TTC5: variants seen among roughly 807,000 people sequenced by gnomAD.
TTC5 encodes the protein tetratricopeptide repeat domain 5.
A neutral mutation model predicts 57.4 loss-of-function variants in TTC5; 46 were observed. The ratio of observed to expected loss-of-function variants is 0.80; its 90% CI spans 0.63 to 1.03. TTC5 has a LOEUF of 1.03. TTC5 is among the 50% of genes least tolerant of loss of function. TTC5 has a pLI of 0.00. For synonymous variants in TTC5, 190 were observed against 203.5 expected (o/e 0.93, Z 0.57); for missense variants, 504 against 528.1 (o/e 0.95, Z 0.45).
chr14:20,301,809 T>C (rs901263170), intron 2 of TTC5, 24 bp downstream of exon 2: 8 of 1,612,610 alleles, frequency 5.0e-6, no homozygotes, highest in African/African-American at 1.3e-5. Flanking sequence ...AGGATGGGGG[T>C]TGTACAATCT....
intron 6 of TTC5, 148 bp downstream of exon 6, chr14:20,296,242 C>T (rs1168090264): frequency 2.8e-6 from 2 of 725,204 alleles, no homozygotes; most frequent in African/African-American, 3.5e-5. Flanking sequence ...GAAGCCAAAC[C>T]GAGCTAGCTA....
intron 1 of TTC5, among the ~76,000 whole-genome samples, chr14:20,302,258 C>T (rs1882208809): frequency 6.6e-6 from 1 of 152,182 alleles, no homozygotes; most frequent in African/African-American, 2.4e-5. Flanking sequence ...AAGCACTTCA[C>T]ATACCACAGT....
rs373545724 is a variant in TTC5 at position 20,296,420 on chromosome 14, G to A, written c.666C>T (p.Ser222=). ...CCCTGTTCAGATGAAGGTCAGGATT[G>A]CTAGAAGCTTTTCTGTCAACTTTCT... ...QAEKVDRKAS[S]NPDLHLNRAT... Residue 222 remains serine, a synonymous_variant, in exon 6 of 10, where the codon AGC becomes AGT. Coordinates refer to ENST00000258821, the MANE Select transcript of TTC5 (RefSeq NM_138376.3). The A allele has an allele frequency of 2.5e-6, 4 of 1,613,054 alleles. No homozygotes were observed. The African/African-American group carries it at 4.0e-5, about 16-fold the overall frequency.
rs951578429 is a variant in TTC5 at position 20,288,231 on chromosome 14, A to T, written c.*1396T>A. 1.3e-5 allele frequency: 2 copies of T among 152,236 alleles called. No homozygotes were observed. Among genetic ancestry groups the T allele is most frequent in the African/African-American group, 4.8e-5 (2 of 41,464 alleles). 9.4% of individuals were successfully genotyped at this position (152,236 alleles called of 1,614,324 possible). A position where few individuals can be genotyped will look rare whatever the true frequency, so the allele number is the denominator to read the frequency against. On this transcript the variant is annotated 3_prime_UTR_variant, in exon 10 of 10. Coordinates refer to ENST00000258821, the MANE Select transcript of TTC5 (RefSeq NM_138376.3). ...CAGATAGATAGATAAAACTTCTCTC[A>T]TCAATGCATTTCTACCATCCATTCT...
At chr14:20,302,518 T>C (rs1264279621) in intron 1 of TTC5, among the ~76,000 whole-genome samples, 1 of 152,200 alleles carries the variant, frequency 6.6e-6, no homozygotes, top group Non-Finnish European at 1.5e-5. Flanking sequence ...CTTGGTAACT[T>C]TGGTATCTTT....
chr14:20,303,674 G>A (rs576601507), intron 1 of TTC5, among the ~76,000 whole-genome samples: 70 of 135,274 alleles, frequency 5.2e-4, no homozygotes, highest in African/African-American at 1.7e-3. Flanking sequence ...TATAAAAAAC[G>A]TACATCATAT....
At chr14:20,305,482 G>T (rs910929690) in intron 1 of TTC5, 4 of 200,300 alleles carry the variant, frequency 2.0e-5, no homozygotes, top group African/African-American at 9.4e-5. Flanking sequence ...GGTCATTAGC[G>T]TGATTGTTGC....
At chr14:20,292,171 A>G in intron 8 of TTC5, 44 bp from the exon 9 acceptor site, 1 of 1,414,950 alleles carries the variant, frequency 7.1e-7, no homozygotes, top group Non-Finnish European at 9.3e-7. Context: ...ACAAAAAGGT[A>G]TGTGGGTAGG....
rs548341732 is a variant in TTC5, at chr14:20,287,962, T to A, written c.*1665A>T. On this transcript the variant is annotated 3_prime_UTR_variant, in exon 10 of 10. Coordinates refer to ENST00000258821, the MANE Select transcript of TTC5 (RefSeq NM_138376.3). ...AGTACTTCTAATAAAAACTGTCTCT[T>A]GCTACCATAGGTTTTTTTGGTGCAG... 12 of 152,328 alleles carry A rather than the reference T, an allele frequency of 7.9e-5. 1 individual carries two copies. In the East Asian group the frequency reaches 1.4e-3, roughly 17 times the overall value. The allele number at this position is 152,328 out of a possible 1,614,324, so 9.4% of individuals were successfully genotyped here. A position where few individuals can be genotyped will look rare whatever the true frequency, so the allele number is the denominator to read the frequency against.
intron 1 of TTC5, among the ~76,000 whole-genome samples, chr14:20,302,249 A>T (rs1367488503): frequency 6.6e-6 from 1 of 152,206 alleles, no homozygotes; most frequent in South Asian, 2.1e-4. Context: ...AATATGACTA[A>T]GCACTTCACA....
At position 20,295,449 on chromosome 14, in the gene TTC5, C is replaced by T. The variant is rs754561808; in HGVS notation, c.921G>A (p.Gly307=). The change falls in exon 8 of 10, where the codon GGG becomes GGA. Residue 307 remains glycine, a synonymous_variant. Transcript: ENST00000258821. ...TCTGCCCAGAGGCTGACTGATAGTG[C>T]CCATCACTGCAAGGGCCTAGATGGG... is the stretch of plus-strand genomic sequence containing the variant. ...RPAHLGPCSD[G]HYQSASGQKV... is the part of the protein sequence containing the mutation. The T allele has an allele frequency of 5.6e-6, 9 of 1,614,118 alleles. No individual in the cohort carries two copies. Among genetic ancestry groups the T allele is most frequent in the Non-Finnish European group, 7.6e-6 (9 of 1,180,020 alleles).
chr14:20,296,110 T>C (rs1009400608), intron 6 of TTC5, among the ~76,000 whole-genome samples: 5 of 152,212 alleles, frequency 3.3e-5, no homozygotes, highest in African/African-American at 9.6e-5. Context: ...ATATATTGGC[T>C]CACTTGACCT....
At chr14:20,293,173 A>T (rs1881993355) in intron 8 of TTC5, 1 of 152,250 alleles carries the variant, frequency 6.6e-6, no homozygotes, top group South Asian at 2.1e-4. Flanking sequence ...CAGGATAAAC[A>T]GACTGATATG....
Position 20,300,654 on chromosome 14 carries a change from C to CT in TTC5, c.348dup (p.Gly117ArgfsTer36). The CT allele has an allele frequency of 6.2e-7, 1 of 1,613,974 alleles. No homozygotes were observed. The highest frequency in any genetic ancestry group is 8.5e-7 in the Non-Finnish European group (1 of 1,180,006). On this transcript the variant is annotated frameshift_variant, in exon 3 of 10. Coordinates refer to ENST00000258821, the MANE Select transcript of TTC5 (RefSeq NM_138376.3). LOFTEE classifies it high-confidence loss of function. ...CAGGTGTGGGCAGCTGCAACATCCC[C>CT]TTTTTTCCAGTACACCTCACCCAGC...
In TTC5 at chr14:20,286,459, AAGAC is replaced by A. The variant is rs1174204837; in HGVS notation, c.*3164_*3167del. 3 of 152,240 alleles carry A rather than the reference AAGAC, an allele frequency of 2.0e-5. No homozygotes were observed. Among genetic ancestry groups the A allele is most frequent in the African/African-American group, 2.4e-5 (1 of 41,574 alleles). The allele number at this position is 152,240 out of a possible 1,614,324, so 9.4% of individuals were successfully genotyped here. On this transcript the variant is annotated 3_prime_UTR_variant, in exon 10 of 10. Coordinates refer to ENST00000258821, the MANE Select transcript of TTC5 (RefSeq NM_138376.3). ...AGCTAGACAATTTCAAAAAAAGAAAAAGACAGACTGGGCTTTAAAGATCAGTAGG... is the reference window on the plus strand; with the variant it reads ...AGCTAGACAATTTCAAAAAAAGAAAAAGACTGGGCTTTAAAGATCAGTAGG...
chr14:20,305,314 C>T (rs1244807663), intron 1 of TTC5: 2 of 152,224 alleles, frequency 1.3e-5, no homozygotes, highest in African/African-American at 4.8e-5. Flanking sequence ...AGCCAAGCAA[C>T]TAGTTAACGC....
rs1881835198 is a variant in TTC5 at position 20,286,249 on chromosome 14, G to GA, written c.*3377dup. On this transcript the variant is annotated 3_prime_UTR_variant, in exon 10 of 10. Coordinates refer to ENST00000258821, the MANE Select transcript of TTC5 (RefSeq NM_138376.3). ...AGCTGCGATTTGGATAAATATATTT[G>GA]AAAAACATAATTTATAATGGATTAG... The GA allele has an allele frequency of 6.6e-6, 1 of 152,072 alleles. No individual in the cohort carries two copies. The highest frequency in any genetic ancestry group is 2.4e-5 in the African/African-American group (1 of 41,406). The allele number at this position is 152,072 out of a possible 1,614,324, so 9.4% of individuals were successfully genotyped here.
At position 20,288,373 on chromosome 14, in the gene TTC5, A is replaced by C. The variant is rs561361561; in HGVS notation, c.*1254T>G. On this transcript the variant is annotated 3_prime_UTR_variant, in exon 10 of 10. Transcript: ENST00000258821. ...CAAAGATCTGAGCCATTTCACTAGA[A>C]GACTTCTCAATTCATCTGTATACAT... 1 of 152,400 alleles carries C rather than the reference A, an allele frequency of 6.6e-6. No individual in the cohort carries two copies. The highest frequency in any genetic ancestry group is 6.5e-5 in the Admixed American group (1 of 15,308). 9.4% of individuals were successfully genotyped at this position (152,400 alleles called of 1,614,324 possible).
chr14:20,298,957 C>A, intron 4 of TTC5, 69 bp from the exon 5 acceptor site: 1 of 1,246,028 alleles, frequency 8.0e-7, no homozygotes, highest in South Asian at 1.3e-5. Flanking sequence ...TTTGATCATT[C>A]TTGAAAGTAT....
Sources: gnomAD v4.1 joint callset for allele counts (sites outside exome capture counted in the v4.1 genomes callset) on GRCh38, gnomAD v4.1.1 for gene constraint, MANE v1.5 for transcripts, NCBI Gene and HGNC (gene_info 2026-07-23, HGNC 2026-07-21) for gene names.